Variants in COMMD1 observed in about 807,000 individuals in gnomAD.
The protein encoded by COMMD1 is COMM domain-containing protein 1.
In COMMD1, 10 loss-of-function variants were observed where a neutral mutation model predicts 17.2. The ratio of observed to expected loss-of-function variants is 0.58; its 90% CI spans 0.36 to 0.99. The LOEUF is 0.99. COMMD1 is among the 50% of genes least tolerant of loss of function. The pLI, the probability that COMMD1 is intolerant of heterozygous loss-of-function variation, is 0.01. For missense variants in COMMD1, 270 were observed against 231.8 expected (o/e 1.17, Z -1.07); for synonymous variants, 97 against 91.6 (o/e 1.06, Z -0.34).
At chr2:62,094,729 C>T (rs1466031841) in intron 2 of COMMD1, among the ~76,000 whole-genome samples, 2 of 151,608 alleles carry the variant, frequency 1.3e-5, no homozygotes, top group Non-Finnish European at 2.9e-5. Flanking sequence ...AAAGTCACTT[C>T]TGCTCAGCTT....
At chr2:61,936,612 A>G (rs574498646) in intron 1 of COMMD1, among the ~76,000 whole-genome samples, 9 of 152,320 alleles carry the variant, frequency 5.9e-5, no homozygotes, top group African/African-American at 2.2e-4. Context: ...TAGTTCTTTT[A>G]AAAAGGAGAC....
chr2:61,959,877 T>A (rs549997984), intron 1 of COMMD1, among the ~76,000 whole-genome samples: 8 of 152,246 alleles, frequency 5.3e-5, no homozygotes, highest in South Asian at 2.1e-4. Context: ...TCTACCCTAC[T>A]GCTGTGTCCA....
At chr2:62,002,746 C>T (rs1385089238) in intron 2 of COMMD1, among the ~76,000 whole-genome samples, 1 of 151,690 alleles carries the variant, frequency 6.6e-6, no homozygotes, top group East Asian at 1.9e-4. Flanking sequence ...ATCCCAGTTA[C>T]TCAGGAGGCT....
intron 1 of COMMD1, among the ~76,000 whole-genome samples, chr2:61,914,230 G>T (rs998084904): frequency 6.6e-6 from 1 of 151,936 alleles, no homozygotes; most frequent in Non-Finnish European, 1.5e-5. Flanking sequence ...TTTTGAAGTT[G>T]GTTACTTGAT....
intron 2 of COMMD1, among the ~76,000 whole-genome samples, chr2:62,022,159 A>T (rs1669628364): frequency 6.6e-6 from 1 of 151,972 alleles, no homozygotes; most frequent in East Asian, 1.9e-4. Context: ...TTCTTGTTTC[A>T]TTTTATTTTA....
chr2:62,049,638 A>G (rs6745501), intron 2 of COMMD1, among the ~76,000 whole-genome samples: 12,478 of 152,214 alleles, frequency 0.082, 1,251 homozygotes, highest in African/African-American at 0.23. Flanking sequence ...TGAAAAGTTA[A>G]TATTGCTGAA....
chr2:61,963,356 T>C (rs1671418141), intron 1 of COMMD1, among the ~76,000 whole-genome samples: 1 of 151,930 alleles, frequency 6.6e-6, no homozygotes, highest in Non-Finnish European at 1.5e-5. Context: ...GCCAGTTTTT[T>C]GTTTTGTTTT....
chr2:61,997,597 T>C (rs149900758), intron 1 of COMMD1, among the ~76,000 whole-genome samples: 2 of 152,216 alleles, frequency 1.3e-5, no homozygotes, highest in Admixed American at 1.3e-4. Flanking sequence ...ATATTTTAAA[T>C]TCAGCTGAGT....
chr2:62,099,113 G>A (rs1436273181), intron 2 of COMMD1, among the ~76,000 whole-genome samples: 1 of 152,134 alleles, frequency 6.6e-6, no homozygotes, highest in East Asian at 1.9e-4. Context: ...AAGGGAGTAG[G>A]GGAGGGAGAA....
At chr2:61,951,895 C>CT (rs1671064333) in intron 1 of COMMD1, among the ~76,000 whole-genome samples, 2 of 152,166 alleles carry the variant, frequency 1.3e-5, no homozygotes, top group South Asian at 2.1e-4. Flanking sequence ...ATACAATACT[C>CT]TTTTTTTGTC....
At chr2:61,948,294 AT>A (rs909521886) in intron 1 of COMMD1, among the ~76,000 whole-genome samples, 3 of 151,978 alleles carry the variant, frequency 2.0e-5, no homozygotes, top group African/African-American at 4.8e-5. Flanking sequence ...ATATTAAACT[AT>A]TTTTTTCTTT....
chr2:62,067,533 A>C (rs568069867), intron 2 of COMMD1, among the ~76,000 whole-genome samples: 1 of 152,324 alleles, frequency 6.6e-6, no homozygotes, highest in African/African-American at 2.4e-5. Flanking sequence ...AAAGCTTGCA[A>C]ATTTATTTAA....
At chr2:62,093,290 T>A (rs1274884756) in intron 2 of COMMD1, among the ~76,000 whole-genome samples, 1 of 152,166 alleles carries the variant, frequency 6.6e-6, no homozygotes, top group Non-Finnish European at 1.5e-5. Context: ...TTGGGAGCCA[T>A]GTAAGGGCTT....
At chr2:62,058,720 A>G (rs937702182) in intron 2 of COMMD1, among the ~76,000 whole-genome samples, 3 of 152,018 alleles carry the variant, frequency 2.0e-5, no homozygotes, top group Non-Finnish European at 4.4e-5. Context: ...CCTAGGTGAG[A>G]GAGCAAAACC....
intron 1 of COMMD1, among the ~76,000 whole-genome samples, chr2:61,983,714 T>C (rs1248598275): frequency 1.3e-5 from 2 of 152,126 alleles, no homozygotes; most frequent in African/African-American, 4.8e-5. Context: ...TAATTTTATT[T>C]ATTTGAATCT....
At chr2:62,024,501 G>A (rs938903412) in intron 2 of COMMD1, among the ~76,000 whole-genome samples, 1 of 152,152 alleles carries the variant, frequency 6.6e-6, no homozygotes, top group Admixed American at 6.5e-5. Flanking sequence ...TTCCAACAAA[G>A]TTAAACTGGA....
chr2:61,895,986 C>T (rs1172429645), intron 1 of COMMD1, among the ~76,000 whole-genome samples: 1 of 152,178 alleles, frequency 6.6e-6, no homozygotes, highest in Non-Finnish European at 1.5e-5. Flanking sequence ...CCAGCTCCAA[C>T]CCCATTTGAG....
At chr2:62,076,331 G>A (rs1291008985) in intron 2 of COMMD1, among the ~76,000 whole-genome samples, 1 of 152,218 alleles carries the variant, frequency 6.6e-6, no homozygotes, top group Admixed American at 6.5e-5. Flanking sequence ...CCAAGATGAG[G>A]CAAGAGGTGG....
intron 1 of COMMD1, among the ~76,000 whole-genome samples, chr2:61,913,598 A>T (rs956192828): frequency 6.7e-6 from 1 of 148,160 alleles, no homozygotes; most frequent in African/African-American, 2.4e-5. Context: ...AATTAGCTCT[A>T]CTAAAAATTG....
Sources: gnomAD v4.1 joint callset for allele counts (sites outside exome capture counted in the v4.1 genomes callset) on GRCh38, gnomAD v4.1.1 for gene constraint, MANE v1.5 for transcripts, NCBI Gene and HGNC (gene_info 2026-07-23, HGNC 2026-07-21) for gene names.